Variants in OGDH observed in about 807,000 individuals in gnomAD.
The protein encoded by OGDH is 2-oxoglutarate dehydrogenase complex component E1.
A neutral mutation model predicts 116.6 loss-of-function variants in OGDH; 38 were observed. That is an observed-to-expected ratio of 0.33 (90% CI 0.25 to 0.43). The LOEUF (loss-of-function observed/expected upper bound fraction) is 0.43, where lower values mean the gene tolerates loss of function less well. Ranked by LOEUF, OGDH falls within the 20% of genes least tolerant of loss-of-function variation. OGDH has a pLI of 1.00. For missense variants in OGDH, 825 were observed against 1,357.2 expected (o/e 0.61, Z 6.16); for synonymous variants, 488 against 533.3 (o/e 0.92, Z 1.17).
At chr7:44,654,804 T>C (rs1364960796) in intron 4 of OGDH, among the ~76,000 whole-genome samples, 1 of 152,150 alleles carries the variant, frequency 6.6e-6, no homozygotes, top group Non-Finnish European at 1.5e-5. Context: ...CAGCGTCACA[T>C]TCCTGCTTCT....
intron 20 of OGDH, among the ~76,000 whole-genome samples, chr7:44,703,214 G>C (rs1030743434): frequency 1.3e-5 from 2 of 152,086 alleles, no homozygotes; most frequent in Non-Finnish European, 2.9e-5. Context: ...TCACAAGTTT[G>C]AGACGAGCCT....
intron 1 of OGDH, among the ~76,000 whole-genome samples, chr7:44,608,103 T>A (rs996980416): frequency 1.3e-5 from 2 of 152,138 alleles, no homozygotes; most frequent in Non-Finnish European, 2.9e-5. Flanking sequence ...GATTCACCCA[T>A]TTGACGTGCA....
intron 10 of OGDH, among the ~76,000 whole-genome samples, chr7:44,683,573 G>T (rs977500582): frequency 5.3e-5 from 8 of 152,120 alleles, no homozygotes; most frequent in Admixed American, 1.3e-4. Flanking sequence ...GATGGCCTGT[G>T]CATGGGGACG....
intron 3 of OGDH, among the ~76,000 whole-genome samples, chr7:44,645,965 G>A (rs1786158677): frequency 6.6e-6 from 1 of 152,148 alleles, no homozygotes; most frequent in African/African-American, 2.4e-5. Flanking sequence ...GGGATGTGGA[G>A]GCAGGGAGAG....
Position 44,673,874 on chromosome 7 carries a change from C to G in OGDH, c.721C>G (p.Pro241Ala). ...GTGGATCCGGCAGAAGTTTGAGACC[C>G]CTGGGATCATGCAGTTCACAAATGA... ...CQWIRQKFET[P>A]GIMQFTNEEK... The change falls in exon 6 of 23, where the codon CCT becomes GCT. Residue 241 changes from proline (P) to alanine (A), a missense_variant. By Grantham distance (27) the Pro-to-Ala change is conservative. Coordinates refer to ENST00000222673, the MANE Select transcript of OGDH (RefSeq NM_002541.4). The G allele has an allele frequency of 6.2e-7, 1 of 1,614,220 alleles. No individual in the cohort carries two copies. The highest frequency in any genetic ancestry group is 1.1e-5 in the South Asian group (1 of 91,088).
At position 44,646,077 on chromosome 7, in the gene OGDH, C is replaced by T. The variant is rs549175414; in HGVS notation, c.414+559C>T. ...CCAGTCTCGTTAGGCAAGTGTTGAG[C>T]AGGACAAGGTTTTTCCCCCCATCCT... On this transcript the variant is annotated intron_variant, in intron 3 of 22. Transcript: ENST00000222673. 2.2e-4 allele frequency among the ~76,000 whole-genome samples: 33 copies of T among 152,272 alleles called. No homozygotes were observed. In the South Asian group the frequency reaches 6.8e-3, roughly 32 times the overall value.
Position 44,707,063 on chromosome 7 carries a change from G to T in OGDH, c.2633-162G>T, listed in dbSNP as rs187564170. ...TAACGTGCTTTTCAAAGTGTGCCTGGTCTGAGCAAATACAGGGCATCAGAG... is the reference window on the plus strand; with the variant it reads ...TAACGTGCTTTTCAAAGTGTGCCTGTTCTGAGCAAATACAGGGCATCAGAG... On this transcript the variant is annotated intron_variant, in intron 20 of 22. Transcript: ENST00000222673. This position sits in a 1 kb window ranked among gnomAD's most constrained non-coding sequence, Gnocchi z 5.2. 6.6e-6 allele frequency among the ~76,000 whole-genome samples: 1 copy of T among 152,274 alleles called. No homozygotes were observed. Among genetic ancestry groups the T allele is most frequent in the Admixed American group, 6.5e-5 (1 of 15,292 alleles).
In OGDH at chr7:44,664,916, G is replaced by A. The variant is rs1222588283; in HGVS notation, c.518-1820G>A. ...TGGTGAGGTCAAGGGATATCTGTAG[G>A]CACCTACTTCACAGGGTCCATGCTG... is the stretch of plus-strand genomic sequence containing the variant. On this transcript the variant is annotated intron_variant, in intron 4 of 22. Transcript: ENST00000222673. Among the ~76,000 whole-genome samples, 4 of 152,132 alleles carry A rather than the reference G, an allele frequency of 2.6e-5. No individual in the cohort carries two copies. In the East Asian group the frequency reaches 7.7e-4, roughly 29 times the overall value.
chr7:44,679,736 G>A (rs1459952238), intron 9 of OGDH, among the ~76,000 whole-genome samples: 2 of 152,194 alleles, frequency 1.3e-5, no homozygotes, highest in African/African-American at 4.8e-5. Flanking sequence ...CTTGCACAAT[G>A]TGAGTGGGTT....
At chr7:44,607,164 G>A (rs732797) in intron 1 of OGDH, among the ~76,000 whole-genome samples, 90,769 of 152,108 alleles carry the variant, frequency 0.6, 27,756 homozygotes, top group East Asian at 0.97. Context: ...CGGAGCATCT[G>A]GCTTTGGGGT....
At chr7:44,637,181 G>A (rs1585259910) in intron 2 of OGDH, among the ~76,000 whole-genome samples, 1 of 152,186 alleles carries the variant, frequency 6.6e-6, no homozygotes, top group Non-Finnish European at 1.5e-5. Flanking sequence ...TGGTGGGCAG[G>A]CACTGGCCAG....
At chr7:44,698,415 G>A (rs1788682937) in intron 18 of OGDH, 152 bp downstream of exon 18, 1 of 767,284 alleles carries the variant, frequency 1.3e-6, no homozygotes, top group Non-Finnish European at 2.1e-6. Context: ...GACAGGTGTG[G>A]CCCCATGCTT....
chr7:44,700,356 G>C, intron 19 of OGDH, 87 bp downstream of exon 19: 1 of 1,548,330 alleles, frequency 6.5e-7, no homozygotes, highest in South Asian at 1.2e-5. Flanking sequence ...CCTCTTGCTT[G>C]GGGTTAGCTA....
chr7:44,642,934 A>T lies in OGDH; in HGVS notation c.223-2393A>T, dbSNP rs1019784182. Among the ~76,000 whole-genome samples the T allele has an allele frequency of 2.0e-5, 3 of 151,770 alleles. No homozygotes were observed. The East Asian group carries it at 5.8e-4, about 29-fold the overall frequency. On this transcript the variant is annotated intron_variant, in intron 2 of 22. Transcript: ENST00000222673. ...TAGACTCTGTCTCAAAAAAAAAAAAAATTTTTAAATATAATTCACATAACA... is the reference window on the plus strand; with the variant it reads ...TAGACTCTGTCTCAAAAAAAAAAAATATTTTTAAATATAATTCACATAACA...
chr7:44,615,674 G>T (rs930262417), intron 1 of OGDH, among the ~76,000 whole-genome samples: 4 of 152,168 alleles, frequency 2.6e-5, no homozygotes, highest in Admixed American at 2.6e-4. Flanking sequence ...GTCTACACCT[G>T]TTGGCATTTC....
intron 4 of OGDH, among the ~76,000 whole-genome samples, chr7:44,664,000 T>C (rs558763240): frequency 6.6e-6 from 1 of 152,322 alleles, no homozygotes; most frequent in Non-Finnish European, 1.5e-5. Flanking sequence ...CAGGCGATTC[T>C]AACATATTGG....
At chr7:44,632,687 G>A (rs187561329) in intron 2 of OGDH, among the ~76,000 whole-genome samples, 11 of 151,862 alleles carry the variant, frequency 7.2e-5, no homozygotes, top group Non-Finnish European at 1.3e-4. Flanking sequence ...GCACGATCTC[G>A]GCTCACTGCA....
chr7:44,614,605 T>C (rs999450623), intron 1 of OGDH, among the ~76,000 whole-genome samples: 3 of 152,164 alleles, frequency 2.0e-5, no homozygotes, highest in African/African-American at 7.2e-5. Flanking sequence ...CTTTTTTCTT[T>C]TGCTTAGTGC....
At chr7:44,676,240 G>T in intron 9 of OGDH, 91 bp downstream of exon 9, 1 of 1,608,510 alleles carries the variant, frequency 6.2e-7, no homozygotes, top group Non-Finnish European at 8.5e-7. Context: ...CAGAGCCCTG[G>T]GTGCATCTAG....
Sources: gnomAD v4.1 joint callset for allele counts (sites outside exome capture counted in the v4.1 genomes callset) on GRCh38, gnomAD v4.1.1 for gene constraint, Gnocchi (gnomAD v3.1) non-coding constraint, MANE v1.5 for transcripts, NCBI Gene and HGNC (gene_info 2026-07-23, HGNC 2026-07-21) for gene names.